The following KLK13 variants were observed in gnomAD, a reference collection of about 807,000 sequenced individuals.
KLK13 encodes kallikrein related peptidase 13.
KLK13 carries 19 observed loss-of-function variants against 22.4 expected under a neutral mutation model. That is an observed-to-expected ratio of 0.85 (90% CI 0.59 to 1.24). KLK13 has a LOEUF of 1.24. KLK13 is among the 50% of genes most tolerant of loss of function. The probability of loss-of-function intolerance (pLI) is 0.00; values close to 1 mark genes in which losing one functional copy is unlikely to be tolerated. For missense variants in KLK13, 311 were observed against 347.9 expected, an observed-to-expected ratio of 0.89 and a Z score of 0.84; for synonymous variants, 156 against 141.8, an observed-to-expected ratio of 1.10 and a Z score of -0.71.
chr19:51,056,356 T>G lies in KLK13; in HGVS notation c.*231A>C. 1.9e-6 allele frequency: 1 copy of G among 520,298 alleles called. No individual in the cohort carries two copies. Among genetic ancestry groups the G allele is most frequent in the South Asian group, 2.4e-5 (1 of 40,994 alleles). The allele number at this position is 520,298 out of a possible 1,614,324, so 32.2% of individuals were successfully genotyped here. On this transcript the variant is annotated 3_prime_UTR_variant, in exon 5 of 5. Transcript: ENST00000595793. ...TGAGAGACCTGGGCCATTGTCTGGG[T>G]TGGGACATTCAGGTTGTTGAGATGT...
intron 1 of KLK13, among the ~76,000 whole-genome samples, chr19:51,062,055 T>C (rs1396894341): frequency 6.6e-6 from 1 of 152,250 alleles, no homozygotes; most frequent in Non-Finnish European, 1.5e-5. Flanking sequence ...ACTAGCTACA[T>C]GTGGCTATTT....
In KLK13 at chr19:51,062,474, T is replaced by C. The variant is rs111562883; in HGVS notation, c.53-1855A>G. Among the ~76,000 whole-genome samples the C allele has an allele frequency of 6.6e-5, 10 of 152,332 alleles. 1 individual carries two copies. Among genetic ancestry groups the C allele is most frequent in the South Asian group, 2.1e-4 (1 of 4,832 alleles). Reference sequence around the variant, plus strand: ...CTCTCCACTTTGACTGTAAGCTCCATTGACAACAGGCACCTTAACTGCTTT... The same window carrying C: ...CTCTCCACTTTGACTGTAAGCTCCACTGACAACAGGCACCTTAACTGCTTT... On this transcript the variant is annotated intron_variant, in intron 1 of 4. Transcript: ENST00000595793.
chr19:51,064,380 C>T (rs558490326), intron 1 of KLK13, among the ~76,000 whole-genome samples: 1 of 148,318 alleles, frequency 6.7e-6, no homozygotes, highest in South Asian at 2.2e-4. Context: ...CCCAGCTACT[C>T]GGGAGGCTGA....
chr19:51,063,859 C>T (rs752326148), intron 1 of KLK13: 7 of 460,972 alleles, frequency 1.5e-5, no homozygotes, highest in East Asian at 6.6e-5. Flanking sequence ...TTGAAGTCTT[C>T]ACCTCATGTC....
intron 1 of KLK13, among the ~76,000 whole-genome samples, chr19:51,062,820 G>A (rs1478319250): frequency 4.6e-5 from 7 of 152,162 alleles, no homozygotes; most frequent in Non-Finnish European, 7.3e-5. Context: ...CAGTCAGTGG[G>A]AAATGTTATT....
chr19:51,062,987 G>A (rs562237434), intron 1 of KLK13, among the ~76,000 whole-genome samples: 3 of 152,186 alleles, frequency 2.0e-5, no homozygotes, highest in South Asian at 4.1e-4. Context: ...TGAGATTTAA[G>A]TAACGTTAAA....
chr19:51,064,878 T>G lies in KLK13; in HGVS notation c.52+138A>C. 11 of 716,432 alleles carry G rather than the reference T, an allele frequency of 1.5e-5. No homozygotes were observed. In the South Asian group the frequency reaches 2.1e-4, roughly 14 times the overall value. The allele number at this position is 716,432 out of a possible 1,614,324, so 44.4% of individuals were successfully genotyped here. ...ACCCAGGGACAAGCAGGAAGAGCTC[T>G]GAGCTGTCCCCACTGGACCCGGCCC... is the stretch of plus-strand genomic sequence containing the variant. On this transcript the variant is annotated intron_variant, in intron 1 of 4. Transcript: ENST00000595793.
In KLK13 at chr19:51,058,556, A is replaced by G; in HGVS notation, c.627T>C (p.Gly209=). 6.2e-7 allele frequency: 1 copy of G among 1,613,920 alleles called. No individual in the cohort carries two copies. The change falls in exon 4 of 5, where the codon GGT becomes GGC. Residue 209 remains glycine, a synonymous_variant. Transcript: ENST00000595793. ...DNMLCAGTKE[G]GKDSCEGDSG... ...GCCTCACCTCACAGGAGTCTTTGCCACCCTCTTTTGTGCCGGCACACAACA... is the reference window on the plus strand; with the variant it reads ...GCCTCACCTCACAGGAGTCTTTGCCGCCCTCTTTTGTGCCGGCACACAACA...
intron 4 of KLK13, 128 bp from the exon 5 acceptor site, chr19:51,056,903 G>T: frequency 1.5e-6 from 1 of 676,554 alleles, no homozygotes; most frequent in Non-Finnish European, 2.5e-6. Context: ...ACTCAGAGAG[G>T]CAGAGTCAGA....
In KLK13 at chr19:51,059,984, T is replaced by G. The variant is rs146548891; in HGVS notation, c.349A>C (p.Thr117Pro). The change falls in exon 3 of 5, where the codon ACC (threonine) becomes CCC (proline). Residue 117 changes from threonine to proline, a missense_variant. Coordinates refer to ENST00000595793, the MANE Select transcript of KLK13 (RefSeq NM_015596.3). ...ATGTCATGGTCGTGGTTCAGGTGGG[T>G]GGGGCTTCTCCGGTATTCAGGGTGG... ...IPHPEYRRSP[T>P]HLNHDHDIML... is the part of the protein sequence containing the mutation. The G allele has an allele frequency of 9.8e-4, 1,585 of 1,613,534 alleles. 6 individuals are homozygous for G. Among genetic ancestry groups the G allele is most frequent in the Non-Finnish European group, 1.3e-3 (1,480 of 1,179,660 alleles).
chr19:51,065,366 G>T (rs551477346), upstream of KLK13, among the ~76,000 whole-genome samples: 1 of 152,164 alleles, frequency 6.6e-6, no homozygotes, highest in African/African-American at 2.4e-5. Context: ...GAGCTGGGTG[G>T]TCGGTGCACT....
chr19:51,063,724 T>TGGTGCCA (rs2091751013), intron 1 of KLK13: 1 of 456,658 alleles, frequency 2.2e-6, no homozygotes, highest in African/African-American at 2.0e-5. Flanking sequence ...AGGCCAAGGA[T>TGGTGCCA]GGTGCCAGGT....
Position 51,062,481 on chromosome 19 carries a change from C to T in KLK13, c.53-1862G>A, listed in dbSNP as rs148942767. Among the ~76,000 whole-genome samples the T allele has an allele frequency of 4.6e-5, 7 of 152,322 alleles. No homozygotes were observed. The East Asian group carries it at 1.2e-3, about 25-fold the overall frequency. On this transcript the variant is annotated intron_variant, in intron 1 of 4. Coordinates refer to ENST00000595793, the MANE Select transcript of KLK13 (RefSeq NM_015596.3). ...CTTTGACTGTAAGCTCCATTGACAA[C>T]AGGCACCTTAACTGCTTTATTCAGT...
upstream of KLK13, chr19:51,065,164 C>T (rs950051165): frequency 1.2e-6 from 1 of 807,698 alleles, no homozygotes; most frequent in Non-Finnish European, 1.9e-6. Flanking sequence ...CGTCTGAAAC[C>T]TCTCTGCTCC....
At chr19:51,059,492 A>C (rs2091705284) in intron 3 of KLK13, among the ~76,000 whole-genome samples, 1 of 145,920 alleles carries the variant, frequency 6.9e-6, no homozygotes, top group African/African-American at 2.5e-5. Flanking sequence ...ATAATTGATA[A>C]ATTTTATAAT....
At chr19:51,059,781 C>T in intron 3 of KLK13, 44 bp downstream of exon 3, 8 of 1,458,040 alleles carry the variant, frequency 5.5e-6, no homozygotes, top group Non-Finnish European at 7.3e-6. Flanking sequence ...CCTGTTTCCC[C>T]AGCCACTCCT....
Position 51,058,582 on chromosome 19 carries a change from T to G in KLK13, c.601A>C (p.Met201Leu). The change falls in exon 4 of 5, where the codon ATG becomes CTG. Residue 201 changes from methionine to leucine, a missense_variant. Coordinates refer to ENST00000595793, the MANE Select transcript of KLK13 (RefSeq NM_015596.3). ...CCCTCTTTTGTGCCGGCACACAACA[T>G]GTTGTCAGTGATCTTTCCTGGGTAG... ...QVYPGKITDNMLCAGTKEGGK... is the reference protein window; with the variant it reads ...QVYPGKITDNLLCAGTKEGGK... 2 of 1,614,098 alleles carry G rather than the reference T, an allele frequency of 1.2e-6. No homozygotes were observed. The highest frequency in any genetic ancestry group is 1.1e-5 in the South Asian group (1 of 91,070).
intron 1 of KLK13, 32 bp downstream of exon 1, chr19:51,064,984 G>A: frequency 6.5e-7 from 1 of 1,538,894 alleles, no homozygotes; most frequent in Non-Finnish European, 8.8e-7. Context: ...GTCCCGAATG[G>A]CCGCCGCGCC....
intron 4 of KLK13, among the ~76,000 whole-genome samples, chr19:51,058,261 G>T (rs1272024819): frequency 6.6e-6 from 1 of 152,206 alleles, no homozygotes; most frequent in East Asian, 1.9e-4. Context: ...GCCAGTTTGA[G>T]TTGGTTGTCT....
Sources: gnomAD v4.1 joint callset for allele counts (sites outside exome capture counted in the v4.1 genomes callset) on GRCh38, gnomAD v4.1.1 for gene constraint, MANE v1.5 for transcripts, NCBI Gene and HGNC (gene_info 2026-07-23, HGNC 2026-07-21) for gene names.